Variants in C14orf132 observed in about 807,000 individuals in gnomAD.
C14orf132 encodes the protein uncharacterized protein C14orf132.
C14orf132 carries 6 observed loss-of-function variants against 5.8 expected under a neutral mutation model. That is an observed-to-expected ratio of 1.03 (90% CI 0.57 to 2.04). The LOEUF (loss-of-function observed/expected upper bound fraction) is 2.04. Among genes scored for constraint, C14orf132 ranks in the 30% most tolerant of loss-of-function variants. C14orf132 has a pLI of 0.00. For synonymous variants in C14orf132, 51 were observed against 49.8 expected (o/e 1.02, Z -0.10); for missense variants, 125 against 115.8 (o/e 1.08, Z -0.37).
chr14:96,066,861 T>C (rs1887548540), intron 1 of C14orf132, among the ~76,000 whole-genome samples: 1 of 152,210 alleles, frequency 6.6e-6, no homozygotes, highest in Non-Finnish European at 1.5e-5. Context: ...TTGTCAGTTC[T>C]AGGAATAAAT....
chr14:96,076,252 A>C (rs1047493349), intron 1 of C14orf132, among the ~76,000 whole-genome samples: 2 of 152,084 alleles, frequency 1.3e-5, no homozygotes, highest in Non-Finnish European at 2.9e-5. Flanking sequence ...TTTTGCTGTC[A>C]GTAATATCTG....
intron 1 of C14orf132, among the ~76,000 whole-genome samples, chr14:96,076,396 T>C (rs543831007): frequency 2.3e-4 from 35 of 152,228 alleles, no homozygotes; most frequent in Middle Eastern, 3.2e-3. Context: ...TTTTTCTCTA[T>C]TGTTTCTGTT....
At chr14:96,075,265 C>G (rs1233554193) in intron 1 of C14orf132, among the ~76,000 whole-genome samples, 1 of 152,120 alleles carries the variant, frequency 6.6e-6, no homozygotes, top group Non-Finnish European at 1.5e-5. Flanking sequence ...TGTTCTATGA[C>G]CTTTCAAAAT....
chr14:96,061,430 G>A (rs550841703), intron 1 of C14orf132, among the ~76,000 whole-genome samples: 59 of 152,310 alleles, frequency 3.9e-4, no homozygotes, highest in Middle Eastern at 6.8e-3. Context: ...CATTTAAGGA[G>A]CTAACTGTGT....
In C14orf132 at chr14:96,090,640, C is replaced by G. The variant is rs1421598972; in HGVS notation, c.*3905C>G. 2 of 456,070 alleles carry G rather than the reference C, an allele frequency of 4.4e-6. No individual in the cohort carries two copies. The highest frequency in any genetic ancestry group is 4.7e-5 in the Admixed American group (2 of 42,584). 28.3% of individuals were successfully genotyped at this position (456,070 alleles called of 1,614,324 possible). A position where few individuals can be genotyped will look rare whatever the true frequency, so the allele number is the denominator to read the frequency against. On this transcript the variant is annotated 3_prime_UTR_variant, in exon 2 of 2. Coordinates refer to ENST00000555004, the MANE Select transcript of C14orf132 (RefSeq NM_001252507.3). ...GGCAAATAAGACTCCCTGCTCCACT[C>G]TACCCCCCAGAGAGAAATGATTCTC...
intron 1 of C14orf132, among the ~76,000 whole-genome samples, chr14:96,070,514 A>T (rs1175474001): frequency 6.6e-6 from 1 of 151,806 alleles, no homozygotes; most frequent in Non-Finnish European, 1.5e-5. Flanking sequence ...CACTTGAAGC[A>T]TGTCCCAGGA....
Position 96,093,510 on chromosome 14 carries a change from A to G in C14orf132, c.*6775A>G, listed in dbSNP as rs140657374. The G allele has an allele frequency of 6.6e-6, 1 of 152,330 alleles. No individual in the cohort carries two copies. Among genetic ancestry groups the G allele is most frequent in the East Asian group, 1.9e-4 (1 of 5,188 alleles). 9.4% of individuals were successfully genotyped at this position (152,330 alleles called of 1,614,324 possible). On this transcript the variant is annotated 3_prime_UTR_variant, in exon 2 of 2. Transcript: ENST00000555004. ...CATACTAATATTCTTTATACTATTTAATCTTTTGCAGAAACCTTACTATTA... is the reference window on the plus strand; with the variant it reads ...CATACTAATATTCTTTATACTATTTGATCTTTTGCAGAAACCTTACTATTA...
At chr14:96,079,583 T>A (rs1887972153) in intron 1 of C14orf132, among the ~76,000 whole-genome samples, 1 of 152,186 alleles carries the variant, frequency 6.6e-6, no homozygotes, top group African/African-American at 2.4e-5. Flanking sequence ...GTCTTCCTGG[T>A]GCAAGTGGGC....
At chr14:96,076,876 G>A (rs1307051118) in intron 1 of C14orf132, among the ~76,000 whole-genome samples, 11 of 152,212 alleles carry the variant, frequency 7.2e-5, no homozygotes, top group Non-Finnish European at 4.4e-5. Flanking sequence ...ATATTTGCTA[G>A]TTTCCCTTGA....
chr14:96,086,740 G>A lies in C14orf132; in HGVS notation c.*5G>A. ...GTGTATGCCTTCACCTTCTGAGGAC[G>A]GCACACCCTGCACCACCATGGGGTG... On this transcript the variant is annotated 3_prime_UTR_variant, in exon 2 of 2. Coordinates refer to ENST00000555004, the MANE Select transcript of C14orf132 (RefSeq NM_001252507.3). 1.3e-6 allele frequency: 2 copies of A among 1,535,752 alleles called. No homozygotes were observed. The highest frequency in any genetic ancestry group is 1.7e-4 in the Middle Eastern group (1 of 5,930).
At position 96,090,505 on chromosome 14, in the gene C14orf132, C is replaced by A; in HGVS notation, c.*3770C>A. On this transcript the variant is annotated 3_prime_UTR_variant, in exon 2 of 2. Coordinates refer to ENST00000555004, the MANE Select transcript of C14orf132 (RefSeq NM_001252507.3). ...AGGCCAGACGCCGCTGTAGCCAGGC[C>A]TGTCTTAAGAGGACTTGTGCTTCCA... 2.4e-6 allele frequency: 1 copy of A among 419,886 alleles called. No individual in the cohort carries two copies. Among genetic ancestry groups the A allele is most frequent in the South Asian group, 1.7e-5 (1 of 58,460 alleles). The allele number at this position is 419,886 out of a possible 1,614,324, so 26.0% of individuals were successfully genotyped here.
chr14:96,072,935 T>C (rs1274154984), intron 1 of C14orf132, among the ~76,000 whole-genome samples: 1 of 152,244 alleles, frequency 6.6e-6, no homozygotes, highest in Non-Finnish European at 1.5e-5. Context: ...AAAGCTATTG[T>C]AAACATTTGC....
rs1343600545 is a variant in C14orf132 at position 96,079,695 on chromosome 14, A to G, written c.28-6816A>G. Among the ~76,000 whole-genome samples the G allele has an allele frequency of 4.6e-5, 7 of 151,954 alleles. No homozygotes were observed. The South Asian group carries it at 1.5e-3, about 32-fold the overall frequency. ...ACAGAGACCCTGCGAGAATTTAGTG[A>G]TGAGAGAAATTATCTTTAGAATGTT... On this transcript the variant is annotated intron_variant, in intron 1 of 1. Coordinates refer to ENST00000555004, the MANE Select transcript of C14orf132 (RefSeq NM_001252507.3).
intron 1 of C14orf132, among the ~76,000 whole-genome samples, chr14:96,070,636 C>G (rs551298330): frequency 2.2e-5 from 3 of 137,678 alleles, no homozygotes; most frequent in South Asian, 2.5e-4. Flanking sequence ...ACACACACTG[C>G]ACTGACCCCT....
At chr14:96,083,156 G>A (rs1359734899) in intron 1 of C14orf132, among the ~76,000 whole-genome samples, 1 of 152,184 alleles carries the variant, frequency 6.6e-6, no homozygotes, top group Admixed American at 6.5e-5. Context: ...CCGCCTGTGG[G>A]GAGCCCTTCT....
chr14:96,079,113 C>T (rs1887959474), intron 1 of C14orf132, among the ~76,000 whole-genome samples: 1 of 152,214 alleles, frequency 6.6e-6, no homozygotes, highest in Non-Finnish European at 1.5e-5. Flanking sequence ...AGGTCCAGCT[C>T]TCTGCCTTGG....
rs1888194631 is a variant in C14orf132 at position 96,086,573 on chromosome 14, CCT to C, written c.91_92del (p.Leu31ValfsTer2). On this transcript the variant is annotated frameshift_variant, in exon 2 of 2. Transcript: ENST00000555004. LOFTEE classifies it high-confidence loss of function. ...PNEDFSTEYS[L>X]FNSSANVHAA... ...ACGAGGACTTCAGCACCGAGTACTC[CCT>C]GTTTAACTCCTCTGCCAATGTCCAC... The C allele has an allele frequency of 1.3e-6, 2 of 1,536,128 alleles. No homozygotes were observed. The highest frequency in any genetic ancestry group is 1.7e-6 in the Non-Finnish European group (2 of 1,146,920).
chr14:96,065,574 T>C (rs536910726), intron 1 of C14orf132, among the ~76,000 whole-genome samples: 50 of 151,674 alleles, frequency 3.3e-4, no homozygotes, highest in African/African-American at 1.2e-3. Context: ...CCCCCACCAC[T>C]TTCCCCTTCT....
intron 1 of C14orf132, among the ~76,000 whole-genome samples, chr14:96,054,451 G>C (rs1057486167): frequency 6.6e-6 from 1 of 152,116 alleles, no homozygotes; most frequent in Non-Finnish European, 1.5e-5. Context: ...TTGAGTTCCC[G>C]GCCTGCCTCC....
Sources: allele counts gnomAD v4.1 joint callset (sites outside exome capture counted in the v4.1 genomes callset), GRCh38; gene constraint gnomAD v4.1.1; transcripts MANE v1.5; gene names NCBI Gene and HGNC (gene_info 2026-07-23, HGNC 2026-07-21).